The following LCA5 variants were observed in gnomAD, a reference collection of about 807,000 sequenced individuals.
The protein encoded by LCA5 is lebercilin.
Under a neutral mutation model 53.0 loss-of-function variants are expected in LCA5, and 37 were observed. The observed-to-expected ratio is 0.70, with a 90% CI of 0.54 to 0.92. The LOEUF is 0.92. Among genes scored for constraint, LCA5 ranks in the 40% least tolerant of loss-of-function variants. LCA5 has a pLI of 0.00. For synonymous variants in LCA5, 303 were observed against 282.9 expected (o/e 1.07, Z -0.71); for missense variants, 806 against 790.5 (o/e 1.02, Z -0.23).
Position 79,491,624 on chromosome 6 carries a change from G to C in LCA5, c.1062C>G (p.Tyr354Ter), listed in dbSNP as rs183261547. ...GTCCTGGTTCTTCCCATTTGTTTTCGTAACACATAATTGTTTCTGGAGTTA... is the reference window on the plus strand; with the variant it reads ...GTCCTGGTTCTTCCCATTTGTTTTCCTAACACATAATTGTTTCTGGAGTTA... ...YPLTPETIMC[Y>*]ENKWEEPGHL... The change falls in exon 6 of 8, where the codon TAC becomes TAG. Residue 354 changes from tyrosine to a stop codon, truncating the protein, a stop_gained. Transcript: ENST00000369846. LOFTEE classifies it high-confidence loss of function. 6.2e-7 allele frequency: 1 copy of C among 1,612,908 alleles called. No homozygotes were observed. The highest frequency in any genetic ancestry group is 8.5e-7 in the Non-Finnish European group (1 of 1,179,168).
intron 3 of LCA5, among the ~76,000 whole-genome samples, chr6:79,494,800 A>G (rs1044419503): frequency 2.6e-5 from 4 of 152,196 alleles, no homozygotes; most frequent in African/African-American, 4.8e-5. Flanking sequence ...TTCCTAGAGT[A>G]AACATCCTAA....
At chr6:79,534,916 A>G (rs575201095) in intron 1 of LCA5, among the ~76,000 whole-genome samples, 1 of 152,176 alleles carries the variant, frequency 6.6e-6, no homozygotes, top group Non-Finnish European at 1.5e-5. Flanking sequence ...TGAGCACCTC[A>G]AATGTAGCTA....
At chr6:79,509,523 T>C (rs1027193496) in intron 3 of LCA5, among the ~76,000 whole-genome samples, 3 of 151,750 alleles carry the variant, frequency 2.0e-5, no homozygotes, top group Admixed American at 6.6e-5. Flanking sequence ...ATGTCAATTA[T>C]AGCAGAAATG....
intron 6 of LCA5, among the ~76,000 whole-genome samples, chr6:79,490,593 C>T (rs866280009): frequency 2.8e-4 from 43 of 152,022 alleles, no homozygotes; most frequent in African/African-American, 9.4e-4. Flanking sequence ...AAAGACAAAT[C>T]AACATGATCT....
chr6:79,513,175 C>G, intron 3 of LCA5, 37 bp downstream of exon 3: 1 of 1,586,932 alleles, frequency 6.3e-7, no homozygotes, highest in Non-Finnish European at 8.6e-7. Flanking sequence ...TGAGAAACAT[C>G]CCAAGAAAGT....
rs1317512790 is a variant in LCA5, at chr6:79,493,665, T to C, written c.806A>G (p.Asp269Gly). The C allele has an allele frequency of 1.9e-6, 3 of 1,613,572 alleles. No individual in the cohort carries two copies. The highest frequency in any genetic ancestry group is 2.7e-5 in the African/African-American group (2 of 74,936). ...CTCCTTTTGAAGAACTTTATTTTCA[T>C]CATGAGCCTCATATGCCCTTTTCCT... ...AERKRAYEAH[D>G]ENKVLQKEVQ... The change falls in exon 4 of 8, where the codon GAT (aspartate) becomes GGT (glycine). Residue 269 changes from aspartate (D) to glycine (G), a missense_variant. Transcript: ENST00000369846.
At chr6:79,524,683 A>C (rs1253071418) in intron 1 of LCA5, among the ~76,000 whole-genome samples, 3 of 152,166 alleles carry the variant, frequency 2.0e-5, no homozygotes, top group African/African-American at 7.2e-5. Flanking sequence ...ATACTAAAAC[A>C]GATTCTCATT....
At chr6:79,514,220 G>A (rs1363323444) in intron 2 of LCA5, among the ~76,000 whole-genome samples, 2 of 152,108 alleles carry the variant, frequency 1.3e-5, no homozygotes, top group South Asian at 2.1e-4. Flanking sequence ...GTGATGTTGA[G>A]CTTTTTTCAT....
At chr6:79,507,560 G>A (rs577684679) in intron 3 of LCA5, among the ~76,000 whole-genome samples, 2 of 152,162 alleles carry the variant, frequency 1.3e-5, no homozygotes, top group East Asian at 3.9e-4. Context: ...GTATATGTAT[G>A]GTAGATGCAC....
intron 1 of LCA5, among the ~76,000 whole-genome samples, chr6:79,524,079 T>C (rs1011790325): frequency 6.6e-6 from 1 of 152,172 alleles, no homozygotes; most frequent in Non-Finnish European, 1.5e-5. Flanking sequence ...AAACGTTTCT[T>C]ATATCACTAA....
In LCA5 at chr6:79,487,847, A is replaced by G. The variant is rs1489494042; in HGVS notation, c.1251T>C (p.Leu417=). 2 of 1,607,040 alleles carry G rather than the reference A, an allele frequency of 1.2e-6. No individual in the cohort carries two copies. The highest frequency in any genetic ancestry group is 1.7e-6 in the Non-Finnish European group (2 of 1,177,404). Reference sequence around the variant, plus strand: ...ATGCCTTTTCTTTTTGCTTTTTATCAAGTTCTTCTCTTTCCCATTCTGTAT... The same window carrying G: ...ATGCCTTTTCTTTTTGCTTTTTATCGAGTTCTTCTCTTTCCCATTCTGTAT... ...KLEDEWEREE[L]DKKQKEKASL... is the part of the protein sequence containing the mutation. The change falls in exon 8 of 8, where the codon CTT becomes CTC. Residue 417 remains leucine, a synonymous_variant. Transcript: ENST00000369846.
In LCA5 at chr6:79,513,560, G is replaced by A; in HGVS notation, c.372C>T (p.Val124=). Reference sequence around the variant, plus strand: ...TTTCTTTTAGCAGCTCAGCTAACTTGACCTGGAGTTCAGATACTTCATTCT... The same window carrying A: ...TTTCTTTTAGCAGCTCAGCTAACTTAACCTGGAGTTCAGATACTTCATTCT... ...ELQNEVSELQ[V]KLAELLKENK... is the part of the protein sequence containing the mutation. Residue 124 remains valine (V), a synonymous_variant, in exon 3 of 8, where the codon GTC becomes GTT. Transcript: ENST00000369846. 6.2e-7 allele frequency: 1 copy of A among 1,613,746 alleles called. No homozygotes were observed. The highest frequency in any genetic ancestry group is 8.5e-7 in the Non-Finnish European group (1 of 1,179,822).
intron 3 of LCA5, among the ~76,000 whole-genome samples, chr6:79,499,302 T>TA (rs71656292): frequency 2.6e-5 from 4 of 151,872 alleles, no homozygotes; most frequent in Admixed American, 2.0e-4. Context: ...ACTACTTATT[T>TA]AAAAAAAGCT....
intron 3 of LCA5, among the ~76,000 whole-genome samples, chr6:79,500,596 G>C (rs1770112143): frequency 6.6e-6 from 1 of 152,130 alleles, no homozygotes; most frequent in Non-Finnish European, 1.5e-5. Flanking sequence ...CTTTTTTACA[G>C]TATTCCTAGA....
chr6:79,522,467 C>G (rs1489622017), intron 1 of LCA5, among the ~76,000 whole-genome samples: 1 of 151,622 alleles, frequency 6.6e-6, no homozygotes, highest in Non-Finnish European at 1.5e-5. Context: ...GATCGAGGTA[C>G]AAAGAAGCAA....
chr6:79,502,653 A>G (rs1171639224), intron 3 of LCA5, among the ~76,000 whole-genome samples: 5 of 152,220 alleles, frequency 3.3e-5, no homozygotes, highest in African/African-American at 4.8e-5. Context: ...GAAGATGCTG[A>G]TAAAATAACC....
At chr6:79,528,904 G>GTAA (rs1766872013) in intron 1 of LCA5, among the ~76,000 whole-genome samples, 1 of 152,104 alleles carries the variant, frequency 6.6e-6, no homozygotes, top group Non-Finnish European at 1.5e-5. Context: ...TAACAATACT[G>GTAA]CCCCAAATGT....
chr6:79,530,524 C>G (rs1766928055), intron 1 of LCA5, among the ~76,000 whole-genome samples: 1 of 151,958 alleles, frequency 6.6e-6, no homozygotes, highest in Admixed American at 6.6e-5. Flanking sequence ...AGAAAGAAAA[C>G]AAAACAAAAC....
chr6:79,535,763 T>C (rs1472381770), intron 1 of LCA5, among the ~76,000 whole-genome samples: 1 of 151,922 alleles, frequency 6.6e-6, no homozygotes. Context: ...ACACAAATAG[T>C]GTAAGCCAAA....
Sources: allele counts gnomAD v4.1 joint callset (sites outside exome capture counted in the v4.1 genomes callset), GRCh38; gene constraint gnomAD v4.1.1; transcripts MANE v1.5; gene names NCBI Gene and HGNC (gene_info 2026-07-23, HGNC 2026-07-21).